Variants in DENND1B observed in about 807,000 individuals in gnomAD.
DENND1B encodes the protein DENN domain containing 1B, also known as DENN domain-containing protein 1B.
DENND1B carries 59 observed loss-of-function variants against 90.1 expected under a neutral mutation model. The observed-to-expected ratio is 0.65, with a 90% CI of 0.53 to 0.81. The LOEUF (loss-of-function observed/expected upper bound fraction) is 0.81, where lower values mean the gene tolerates loss of function less well. Among genes scored for constraint, DENND1B ranks in the 40% least tolerant of loss-of-function variants. The pLI is 0.00. For missense variants in DENND1B, 862 were observed against 912.6 expected (o/e 0.94, Z 0.71); for synonymous variants, 337 against 324.6 (o/e 1.04, Z -0.41).
Position 197,607,163 on chromosome 1 carries a change from G to T in DENND1B, c.831C>A (p.Asn277Lys). ...ACATAACAACATCTTCCAATGATTT[G>T]TTTTTCACTCTCTATAAAAAAAACA... ...IHSSLIERVK[N>K]KSLEDVVMLN... The change falls in exon 13 of 23, where the codon AAC (asparagine) becomes AAA (lysine). Residue 277 changes from asparagine (N) to lysine (K), a missense_variant. Transcript: ENST00000620048. 2 of 1,507,394 alleles carry T rather than the reference G, an allele frequency of 1.3e-6. No individual in the cohort carries two copies. The highest frequency in any genetic ancestry group is 1.8e-6 in the Non-Finnish European group (2 of 1,131,738). 93.4% of individuals were successfully genotyped at this position (1,507,394 alleles called of 1,614,324 possible). A position where few individuals can be genotyped will look rare whatever the true frequency, so the allele number is the denominator to read the frequency against.
intron 2 of DENND1B, among the ~76,000 whole-genome samples, chr1:197,760,637 G>A (rs1265107866): frequency 7.5e-6 from 1 of 134,166 alleles, no homozygotes; most frequent in Non-Finnish European, 1.6e-5. Flanking sequence ...GTGAGACCTT[G>A]TCTCAAAAAA....
rs1184621372 is a variant in DENND1B at position 197,505,131 on chromosome 1, G to GGTT, written c.*5328_*5329insAAC. The GGTT allele has an allele frequency of 6.6e-6, 1 of 151,658 alleles. No individual in the cohort carries two copies. Among genetic ancestry groups the GGTT allele is most frequent in the Non-Finnish European group, 1.5e-5 (1 of 67,794 alleles). The allele number at this position is 151,658 out of a possible 1,614,324, so 9.4% of individuals were successfully genotyped here. A position where few individuals can be genotyped will look rare whatever the true frequency, so the allele number is the denominator to read the frequency against. ...TATGCATTTATGTTGTAGGACTCAG[G>GGTT]CAGTTCATATTAGTTGCTGTTTTAG... On this transcript the variant is annotated 3_prime_UTR_variant, in exon 23 of 23. Transcript: ENST00000620048.
intron 5 of DENND1B, among the ~76,000 whole-genome samples, chr1:197,664,793 G>A (rs1654776805): frequency 1.3e-5 from 2 of 152,100 alleles, no homozygotes; most frequent in Middle Eastern, 3.4e-3. Flanking sequence ...GAAACATTCT[G>A]CTTCTAAGGG....
intron 2 of DENND1B, chr1:197,734,259 T>C: frequency 2.2e-6 from 2 of 910,194 alleles, no homozygotes; most frequent in African/African-American, 1.8e-5. Flanking sequence ...ATAAAAACTA[T>C]CTGTAAATTT....
chr1:197,768,184 C>T (rs1489349214), intron 2 of DENND1B, among the ~76,000 whole-genome samples: 4 of 151,802 alleles, frequency 2.6e-5, no homozygotes, highest in South Asian at 2.1e-4. Flanking sequence ...TCCTCCTCCT[C>T]GTCCTCCTCC....
intron 3 of DENND1B, chr1:197,689,349 GC>G (rs1396297787): frequency 6.6e-6 from 1 of 152,044 alleles, no homozygotes; most frequent in Non-Finnish European, 1.5e-5. Flanking sequence ...GGGGGAGACT[GC>G]CCCCACAATT....
At chr1:197,637,687 G>C (rs1012409758) in intron 10 of DENND1B, among the ~76,000 whole-genome samples, 1 of 152,140 alleles carries the variant, frequency 6.6e-6, no homozygotes, top group East Asian at 1.9e-4. Context: ...TGATAAACTG[G>C]TAAGTAGAAT....
chr1:197,706,940 G>A (rs893635328), intron 3 of DENND1B, among the ~76,000 whole-genome samples: 30 of 151,946 alleles, frequency 2.0e-4, no homozygotes, highest in African/African-American at 6.3e-4. Context: ...ATATCCAAAC[G>A]AAAGAAAATC....
Position 197,775,446 on chromosome 1 carries a change from C to T in DENND1B, c.-291G>A, listed in dbSNP as rs1657201027. 2 of 279,320 alleles carry T rather than the reference C, an allele frequency of 7.2e-6. No individual in the cohort carries two copies. Among genetic ancestry groups the T allele is most frequent in the East Asian group, 6.0e-5 (1 of 16,716 alleles). The allele number at this position is 279,320 out of a possible 1,614,324, so 17.3% of individuals were successfully genotyped here. On this transcript the variant is annotated 5_prime_UTR_variant, in exon 1 of 23. Transcript: ENST00000620048. ...GCTGAGGCCTCTCAGTTCCTGCGAC[C>T]GGGGCCGCCCGCTGCGGCTCCTGCA...
chr1:197,561,123 C>A (rs1325266460), intron 15 of DENND1B, among the ~76,000 whole-genome samples: 1 of 151,886 alleles, frequency 6.6e-6, no homozygotes, highest in Non-Finnish European at 1.5e-5. Context: ...TCTCTTGACC[C>A]CACTTACTTC....
intron 15 of DENND1B, among the ~76,000 whole-genome samples, chr1:197,575,596 G>T (rs1673598762): frequency 6.6e-6 from 1 of 152,168 alleles, no homozygotes; most frequent in Non-Finnish European, 1.5e-5. Context: ...TTACCCAAAG[G>T]ATTATAAATT....
intron 20 of DENND1B, among the ~76,000 whole-genome samples, chr1:197,523,174 A>G (rs931738857): frequency 2.6e-5 from 4 of 152,186 alleles, no homozygotes; most frequent in Non-Finnish European, 2.9e-5. Context: ...ACATTCATTT[A>G]TATAAAACAA....
intron 2 of DENND1B, chr1:197,746,750 T>C: frequency 1.6e-6 from 2 of 1,239,526 alleles, no homozygotes; most frequent in East Asian, 2.3e-5. Context: ...TCTGGCAAGT[T>C]ATGCATATCC....
intron 2 of DENND1B, chr1:197,746,654 G>A: frequency 2.9e-6 from 2 of 691,312 alleles, no homozygotes; most frequent in Non-Finnish European, 5.2e-6. Context: ...TTGTTCTAGT[G>A]CTATCAATTT....
In DENND1B at chr1:197,645,696, G is replaced by A. The variant is rs770632086; in HGVS notation, c.555C>T (p.Pro185=). 19 of 1,550,948 alleles carry A rather than the reference G, an allele frequency of 1.2e-5. No homozygotes were observed. The highest frequency in any genetic ancestry group is 1.8e-5 in the Admixed American group (1 of 55,320). Residue 185 remains proline, a synonymous_variant, in exon 9 of 23, where the codon CCC becomes CCT. Coordinates refer to ENST00000620048, the MANE Select transcript of DENND1B (RefSeq NM_001195215.2). ...APDVTGLPTI[P]ESRNLTEYFV... ...TAGAAAATAGGAAACTTACACTCTC[G>A]GGTATTGTTGGGAGTCCAGTTACAT...
chr1:197,541,648 A>G (rs910208962), intron 18 of DENND1B, among the ~76,000 whole-genome samples: 1 of 152,198 alleles, frequency 6.6e-6, no homozygotes, highest in African/African-American at 2.4e-5. Flanking sequence ...CTTTCACAAA[A>G]GCCTTAGCCT....
intron 2 of DENND1B, among the ~76,000 whole-genome samples, chr1:197,727,584 T>A (rs1019801928): frequency 6.6e-6 from 1 of 151,496 alleles, no homozygotes; most frequent in Non-Finnish European, 1.5e-5. Context: ...ATCAAGTTAC[T>A]GGGAATTATA....
intron 2 of DENND1B, among the ~76,000 whole-genome samples, chr1:197,757,050 T>C (rs1425329090): frequency 6.6e-6 from 1 of 151,400 alleles, no homozygotes; most frequent in East Asian, 1.9e-4. Flanking sequence ...AACAAAAGAA[T>C]CTATTTCTTC....
intron 2 of DENND1B, among the ~76,000 whole-genome samples, chr1:197,725,284 A>G (rs753128245): frequency 2.0e-5 from 3 of 152,184 alleles, no homozygotes; most frequent in Non-Finnish European, 4.4e-5. Flanking sequence ...AATAGCAGCA[A>G]TGGAAGCCAG....
Sources: allele counts gnomAD v4.1 joint callset (sites outside exome capture counted in the v4.1 genomes callset), GRCh38; gene constraint gnomAD v4.1.1; transcripts MANE v1.5; gene names NCBI Gene and HGNC (gene_info 2026-07-23, HGNC 2026-07-21).